Variants in EXT2 observed in about 807,000 individuals in gnomAD.
EXT2 encodes the protein exostosin glycosyltransferase 2, also known as exostosin-2.
In EXT2, 53 loss-of-function variants were observed where a neutral mutation model predicts 81.6. The observed-to-expected ratio is 0.65, with a 90% confidence interval of 0.52 to 0.82. The LOEUF (loss-of-function observed/expected upper bound fraction) is 0.82. Ranked by LOEUF, EXT2 falls within the 40% of genes least tolerant of loss-of-function variation. EXT2 has a pLI of 0.00. For synonymous variants in EXT2, 320 were observed against 340.0 expected, an observed-to-expected ratio of 0.94 and a Z score of 0.65; for missense variants, 774 against 910.2, an observed-to-expected ratio of 0.85 and a Z score of 1.93.
rs1012859042 is a variant in EXT2, at chr11:44,249,050, G to A, written c.*4763G>A. ...CTCACTCTGTCCCATAGGCTGGAGT[G>A]TAGTGCTGTGATCATGGCTCGCTGC... On this transcript the variant is annotated 3_prime_UTR_variant, in exon 14 of 14. Coordinates refer to ENST00000533608, the MANE Select transcript of EXT2 (RefSeq NM_207122.2). 6.6e-6 allele frequency among the ~76,000 whole-genome samples: 1 copy of A among 152,050 alleles called. No homozygotes were observed. Among genetic ancestry groups the A allele is most frequent in the Non-Finnish European group, 1.5e-5 (1 of 68,010 alleles).
At chr11:44,239,689 CTTTTTTTTTTT>C (rs397849292) in intron 13 of EXT2, among the ~76,000 whole-genome samples, 31,799 of 86,212 alleles carry the variant, frequency 0.37, 4,148 homozygotes, top group Middle Eastern at 0.45. Flanking sequence ...CCCTGCCTGG[CTTTTTTTTTTT>C]TTTTTTTTTT....
intron 3 of EXT2, among the ~76,000 whole-genome samples, chr11:44,112,750 C>T (rs763400793): frequency 7.9e-5 from 12 of 152,164 alleles, no homozygotes; most frequent in Non-Finnish European, 1.2e-4. Flanking sequence ...CCTTAACCCC[C>T]CTGGAACAGA....
intron 3 of EXT2, among the ~76,000 whole-genome samples, chr11:44,110,256 A>T (rs746369441): frequency 6.6e-6 from 1 of 152,336 alleles, no homozygotes; most frequent in East Asian, 1.9e-4. Flanking sequence ...CCAGAAGATT[A>T]AATCTAAACC....
Position 44,247,531 on chromosome 11 carries a change from C to A in EXT2, c.*3244C>A, listed in dbSNP as rs535129964. On this transcript the variant is annotated 3_prime_UTR_variant, in exon 14 of 14. Transcript: ENST00000533608. ...CCTCCCAAAGTGCTGGGATTACGGG[C>A]GTGAGTCCCCACGCTCAGCCACTGT... 6.6e-6 allele frequency among the ~76,000 whole-genome samples: 1 copy of A among 152,230 alleles called. No individual in the cohort carries two copies. Among genetic ancestry groups the A allele is most frequent in the Non-Finnish European group, 1.5e-5 (1 of 68,036 alleles).
chr11:44,183,892 C>T (rs894201322), intron 8 of EXT2, among the ~76,000 whole-genome samples: 1 of 152,082 alleles, frequency 6.6e-6, no homozygotes, highest in East Asian at 1.9e-4. Flanking sequence ...TATTCTTCAT[C>T]CAATTTTCTG....
rs1328170835 is a variant in EXT2, at chr11:44,248,321, T to G, written c.*4034T>G. ...GTTCTGGCAGGAGTGTTAACCATAT[T>G]GGCAGCAGCTTCCATCCAGAGAGAC... On this transcript the variant is annotated 3_prime_UTR_variant, in exon 14 of 14. Transcript: ENST00000533608. Among the ~76,000 whole-genome samples, 1 of 152,142 alleles carries G rather than the reference T, an allele frequency of 6.6e-6. No individual in the cohort carries two copies. The highest frequency in any genetic ancestry group is 2.4e-5 in the African/African-American group (1 of 41,438).
rs971426296 is a variant in EXT2, at chr11:44,249,486, T to C, written c.*5199T>C. Among the ~76,000 whole-genome samples the C allele has an allele frequency of 1.4e-4, 21 of 152,198 alleles. No homozygotes were observed. Among genetic ancestry groups the C allele is most frequent in the African/African-American group, 5.1e-4 (21 of 41,454 alleles). On this transcript the variant is annotated 3_prime_UTR_variant, in exon 14 of 14. Coordinates refer to ENST00000533608, the MANE Select transcript of EXT2 (RefSeq NM_207122.2). Reference sequence around the variant, plus strand: ...CATCTTGTGGACAACCTCTCAGGAATTGCAGGTGGTGTGGGAGTGGCTGAC... The same window carrying C: ...CATCTTGTGGACAACCTCTCAGGAACTGCAGGTGGTGTGGGAGTGGCTGAC...
At chr11:44,183,422 T>A (rs1955263940) in intron 8 of EXT2, among the ~76,000 whole-genome samples, 2 of 152,226 alleles carry the variant, frequency 1.3e-5, no homozygotes, top group African/African-American at 4.8e-5. Context: ...ACTAATTTTT[T>A]TGAGGGTGAT....
Position 44,172,535 on chromosome 11 carries a change from C to G in EXT2, c.1305+793C>G, listed in dbSNP as rs184393396. ...TCTCCATTCTTCATTCTAATTGTCT[C>G]TCTCTTTCTGACCTCTCAGCCCTCC... On this transcript the variant is annotated intron_variant, in intron 8 of 13. Coordinates refer to ENST00000533608, the MANE Select transcript of EXT2 (RefSeq NM_207122.2). Among the ~76,000 whole-genome samples the G allele has an allele frequency of 4.6e-5, 7 of 152,066 alleles. No homozygotes were observed. The East Asian group carries it at 1.4e-3, about 29-fold the overall frequency.
At chr11:44,165,474 A>G (rs926433034) in intron 7 of EXT2, among the ~76,000 whole-genome samples, 1 of 152,232 alleles carries the variant, frequency 6.6e-6, no homozygotes, top group African/African-American at 2.4e-5. Flanking sequence ...TATTGGCAAA[A>G]CTTGCTTCCT....
chr11:44,223,812 G>A (rs1197695110), intron 10 of EXT2, among the ~76,000 whole-genome samples: 2 of 152,042 alleles, frequency 1.3e-5, no homozygotes, highest in African/African-American at 2.4e-5. Context: ...CACTAGGCCC[G>A]GCTAATTTTT....
At chr11:44,166,965 C>T (rs1211881232) in intron 7 of EXT2, among the ~76,000 whole-genome samples, 1 of 152,204 alleles carries the variant, frequency 6.6e-6, no homozygotes, top group African/African-American at 2.4e-5. Flanking sequence ...TTATTTAAAA[C>T]AACTGCTTAC....
At chr11:44,188,301 G>A (rs12288338) in intron 8 of EXT2, among the ~76,000 whole-genome samples, 2,260 of 152,214 alleles carry the variant, frequency 0.015, 56 homozygotes, top group African/African-American at 0.052. Flanking sequence ...ACAGGGATTA[G>A]GATTTAAATC....
rs548785122 is a variant in EXT2 at position 44,223,516 on chromosome 11, A to G, written c.1663-8837A>G. ...TTCTCCAGGGAATTATGCTGAGTGA[A>G]AAAAGCCAGTCCAAAAAGGTCACAT... On this transcript the variant is annotated intron_variant, in intron 10 of 13. Transcript: ENST00000533608. Among the ~76,000 whole-genome samples the G allele has an allele frequency of 2.5e-4, 38 of 152,288 alleles. No homozygotes were observed. In the South Asian group the frequency reaches 7.5e-3, roughly 30 times the overall value.
At chr11:44,129,005 G>A (rs1271154330) in intron 6 of EXT2, among the ~76,000 whole-genome samples, 1 of 152,212 alleles carries the variant, frequency 6.6e-6, no homozygotes, top group Non-Finnish European at 1.5e-5. Context: ...TTATACAAAT[G>A]TAATTACAAA....
rs768788739 is a variant in EXT2 at position 44,124,805 on chromosome 11, C to T, written c.760C>T (p.Leu254Phe). 1.1e-5 allele frequency: 18 copies of T among 1,614,000 alleles called. No individual in the cohort carries two copies. In the East Asian group the frequency reaches 3.8e-4, roughly 34 times the overall value. Residue 254 changes from leucine (L) to phenylalanine (F), a missense_variant, in exon 5 of 14, where the codon CTC becomes TTC. Leu to Phe is a conservative substitution (Grantham distance 22). Transcript: ENST00000533608. ...EKGPGPRQYF[L>F]LSSQVGLHPE... ...CCCTTGTAGTCCACGGCAATACTTC[C>T]TCCTGTCATCTCAGGTGGGTCTCCA... is the stretch of plus-strand genomic sequence containing the variant.
At chr11:44,212,099 C>T (rs974259565) in intron 10 of EXT2, among the ~76,000 whole-genome samples, 5 of 151,804 alleles carry the variant, frequency 3.3e-5, no homozygotes, top group Admixed American at 6.6e-5. Flanking sequence ...GTCTGGCCAA[C>T]GTGATGAAAC....
chr11:44,154,746 C>T (rs1164216179), intron 7 of EXT2, among the ~76,000 whole-genome samples: 1 of 152,140 alleles, frequency 6.6e-6, no homozygotes, highest in African/African-American at 2.4e-5. Flanking sequence ...TACCTGTTTA[C>T]ATTCCCACCA....
Position 44,245,298 on chromosome 11 carries a change from C to A in EXT2, c.*1011C>A, listed in dbSNP as rs1564992466. 2 of 223,442 alleles carry A rather than the reference C, an allele frequency of 9.0e-6. No individual in the cohort carries two copies. Among genetic ancestry groups the A allele is most frequent in the Non-Finnish European group, 1.8e-5 (2 of 111,798 alleles). The allele number at this position is 223,442 out of a possible 1,614,324, so 13.8% of individuals were successfully genotyped here. ...CCATCCCAAGGGGATGCCAAAATTT[C>A]TCTCATTCTTTTGGTATAAACTTAA... On this transcript the variant is annotated 3_prime_UTR_variant, in exon 14 of 14. Transcript: ENST00000533608.
Sources: allele counts gnomAD v4.1 joint callset (sites outside exome capture counted in the v4.1 genomes callset), GRCh38; gene constraint gnomAD v4.1.1; transcripts MANE v1.5; gene names NCBI Gene and HGNC (gene_info 2026-07-23, HGNC 2026-07-21).